Variants in PUDP observed in about 807,000 individuals in gnomAD.
PUDP encodes pseudouridine-5'-phosphatase.
In PUDP, 8 loss-of-function variants were observed where a neutral mutation model predicts 9.4. The observed-to-expected ratio is 0.85, with a 90% CI of 0.50 to 1.53. The LOEUF (loss-of-function observed/expected upper bound fraction) is 1.53. PUDP is among the 40% of genes most tolerant of loss of function. The pLI is 0.00. For synonymous variants in PUDP, 99 were observed against 80.7 expected, an observed-to-expected ratio of 1.23 and a Z score of -1.22; for missense variants, 188 against 189.7, an observed-to-expected ratio of 0.99 and a Z score of 0.05.
intron 1 of PUDP, among the ~76,000 whole-genome samples, chrX:7,129,235 C>G (rs1205499671): frequency 2.7e-5 from 3 of 112,195 alleles, no homozygotes; most frequent in Non-Finnish European, 1.9e-5. Context: ...AAATGATATG[C>G]CTTCTTCCTT....
intron 3 of PUDP, among the ~76,000 whole-genome samples, chrX:6,900,379 T>C (rs1449497559): frequency 1.9e-5 from 2 of 107,278 alleles, no homozygotes; most frequent in Non-Finnish European, 3.8e-5. Flanking sequence ...ACAGATGCTG[T>C]TGAACATCCT....
At chrX:6,750,715 C>T (rs754997255) in intron 3 of PUDP, among the ~76,000 whole-genome samples, 3 of 112,027 alleles carry the variant, frequency 2.7e-5, no homozygotes, top group Non-Finnish European at 5.6e-5. Flanking sequence ...TTCACAAAAA[C>T]ACTTGTTTCC....
rs143474577 is a variant in PUDP at position 6,804,859 on chromosome X, A to G, written c.*248-98393T>C. The stretch of plus-strand genomic sequence containing the variant: ...CAGTTCAGAGAGGAGAAGGGCATCA[A>G]ACTAAAGAATTGCAGAGGTTTTTAT... On this transcript the variant is annotated intron_variant and NMD_transcript_variant, in intron 3 of 3. Transcript: ENST00000655425. 9.8e-5 allele frequency among the ~76,000 whole-genome samples: 11 copies of G among 112,219 alleles called. No homozygotes were observed. In the East Asian group the frequency reaches 3.1e-3, roughly 31 times the overall value.
intron 3 of PUDP, among the ~76,000 whole-genome samples, chrX:6,916,300 CAT>C (rs1927933102): frequency 9.4e-6 from 1 of 106,841 alleles, no homozygotes; most frequent in South Asian, 4.3e-4. Flanking sequence ...TCAAACAGTC[CAT>C]GTCATGATTG....
chrX:6,928,592 C>G (rs1000473635), intron 3 of PUDP, among the ~76,000 whole-genome samples: 3 of 111,783 alleles, frequency 2.7e-5, no homozygotes, highest in Non-Finnish European at 5.6e-5. Flanking sequence ...ATCAAGTGGA[C>G]ACCTTCAAAA....
chrX:6,837,248 A>C (rs967760139), intron 3 of PUDP, among the ~76,000 whole-genome samples: 2 of 112,400 alleles, frequency 1.8e-5, no homozygotes, highest in African/African-American at 6.5e-5. Flanking sequence ...CAAATAATAC[A>C]TCTCATGGAT....
chrX:6,903,955 TA>T (rs200604877), intron 3 of PUDP, among the ~76,000 whole-genome samples: 758 of 74,355 alleles, frequency 0.01, 7 homozygotes, highest in African/African-American at 0.026. Context: ...TATATATATT[TA>T]TTTTTTTTTT....
chrX:6,836,217 T>C (rs768131943), intron 3 of PUDP, among the ~76,000 whole-genome samples: 1 of 111,849 alleles, frequency 8.9e-6, no homozygotes, highest in South Asian at 3.7e-4. Context: ...TACAGATTCG[T>C]AATTTCCTTT....
upstream of PUDP, among the ~76,000 whole-genome samples, chrX:6,722,316 G>A (rs778668977): frequency 1.0e-3 from 113 of 109,186 alleles, no homozygotes; most frequent in Non-Finnish European, 1.9e-3. Flanking sequence ...GTGGTGGCAC[G>A]CGCCTGTAAT....
chrX:6,968,386 G>A (rs1421351948), intron 3 of PUDP, among the ~76,000 whole-genome samples: 1 of 111,998 alleles, frequency 8.9e-6, no homozygotes, highest in Non-Finnish European at 1.9e-5. Flanking sequence ...CCCAGTTTCA[G>A]GAGCAAGTGA....
chrX:6,923,026 T>C (rs1928049000), intron 3 of PUDP, among the ~76,000 whole-genome samples: 1 of 111,815 alleles, frequency 8.9e-6, no homozygotes, highest in Non-Finnish European at 1.9e-5. Context: ...CCACCATAGT[T>C]CTCAAAGTCC....
chrX:6,905,065 G>T (rs538831752), intron 3 of PUDP, among the ~76,000 whole-genome samples: 3 of 111,882 alleles, frequency 2.7e-5, no homozygotes, highest in African/African-American at 9.7e-5. Context: ...CCTTGGTAGT[G>T]CACTTTCTCA....
intron 2 of PUDP, among the ~76,000 whole-genome samples, chrX:7,089,192 C>T (rs190568828): frequency 9.0e-6 from 1 of 111,543 alleles, no homozygotes; most frequent in East Asian, 2.8e-4. Context: ...GAGCCTTCTC[C>T]AAACTCGAAG....
intron 3 of PUDP, among the ~76,000 whole-genome samples, chrX:6,966,714 A>AT (rs1240705013): frequency 1.8e-5 from 2 of 109,870 alleles, no homozygotes; most frequent in Non-Finnish European, 1.9e-5. Context: ...CAGCTGGCTA[A>AT]TTTTTTGTAT....
At chrX:6,722,955 CTT>C (rs768947409), upstream of PUDP, among the ~76,000 whole-genome samples, 251 of 111,598 alleles carry the variant, frequency 2.2e-3, no homozygotes, top group African/African-American at 8.1e-3. Context: ...TTTTCACACT[CTT>C]GATAATTCTG....
intron 3 of PUDP, among the ~76,000 whole-genome samples, chrX:6,971,419 T>C (rs1258637844): frequency 1.8e-5 from 2 of 108,660 alleles, no homozygotes; most frequent in Non-Finnish European, 3.8e-5. Flanking sequence ...CTTTTTTCTT[T>C]TCTTTTTTTT....
chrX:7,054,174 C>T lies in PUDP; in HGVS notation c.511-3702G>A, dbSNP rs60558241. On this transcript the variant is annotated intron_variant, in intron 3 of 3. Coordinates refer to ENST00000381077, the MANE Select transcript of PUDP (RefSeq NM_012080.5). ...GGCTCACACCTGTATTTTGGGAGGC[C>T]GAGGTACGCGGATCACTTGAGGTCA... 3.1e-3 allele frequency among the ~76,000 whole-genome samples: 349 copies of T among 111,526 alleles called. 3 individuals carry two copies. The highest frequency in any genetic ancestry group is 0.01 in the African/African-American group (319 of 30,687).
chrX:7,024,747 C>T (rs775094881), intron 1 of PUDP, among the ~76,000 whole-genome samples: 10 of 40,737 alleles, frequency 2.5e-4, no homozygotes, highest in Admixed American at 1.0e-3. Context: ...CCACCTCGCC[C>T]GGCTAACTTT....
intron 3 of PUDP, among the ~76,000 whole-genome samples, chrX:6,752,747 G>C (rs1196321121): frequency 9.0e-6 from 1 of 110,845 alleles, no homozygotes; most frequent in Non-Finnish European, 1.9e-5. Context: ...CATTTACTGA[G>C]ATAAGAAACT....
Sources: allele counts gnomAD v4.1 joint callset (sites outside exome capture counted in the v4.1 genomes callset), GRCh38; gene constraint gnomAD v4.1.1; transcripts MANE v1.5; gene names NCBI Gene and HGNC (gene_info 2026-07-23, HGNC 2026-07-21).